FIG4: variants seen among roughly 807,000 people sequenced by gnomAD.
FIG4 encodes the protein FIG4 phosphoinositide 5-phosphatase.
FIG4 carries 112 observed loss-of-function variants against 118.6 expected under a neutral mutation model. The ratio of observed to expected loss-of-function variants is 0.94; its 90% confidence interval spans 0.81 to 1.11. The LOEUF is 1.11. Among genes scored for constraint, FIG4 ranks in the 50% least tolerant of loss-of-function variants. FIG4 has a pLI of 0.00. For synonymous variants in FIG4, 369 were observed against 381.2 expected (o/e 0.97, Z 0.37); for missense variants, 969 against 1,111.7 (o/e 0.87, Z 1.83).
At chr6:109,756,073 G>A (rs563041032) in intron 10 of FIG4, among the ~76,000 whole-genome samples, 6 of 152,170 alleles carry the variant, frequency 3.9e-5, no homozygotes, top group Admixed American at 2.0e-4. Flanking sequence ...AGCGGCTGGT[G>A]CCGGTTGTTC....
At chr6:109,774,146 A>T (rs1039787710) in intron 15 of FIG4, among the ~76,000 whole-genome samples, 2 of 152,198 alleles carry the variant, frequency 1.3e-5, no homozygotes, top group Non-Finnish European at 2.9e-5. Flanking sequence ...TATGTTAATT[A>T]TACAAAGTAC....
At chr6:109,822,367 A>G (rs1779028156) in intron 22 of FIG4, among the ~76,000 whole-genome samples, 1 of 152,172 alleles carries the variant, frequency 6.6e-6, no homozygotes, top group African/African-American at 2.4e-5. Context: ...TTTGCAATAA[A>G]AAAGTGAAAA....
chr6:109,821,351 A>G (rs1779000700), intron 22 of FIG4, among the ~76,000 whole-genome samples: 1 of 152,212 alleles, frequency 6.6e-6, no homozygotes, highest in Non-Finnish European at 1.5e-5. Context: ...GCTCTGCAAA[A>G]CTAATTTTGC....
intron 22 of FIG4, among the ~76,000 whole-genome samples, chr6:109,803,515 TA>T (rs952153264): frequency 6.6e-5 from 10 of 152,308 alleles, no homozygotes; most frequent in African/African-American, 2.4e-4. Flanking sequence ...ATGGGAAACC[TA>T]AGATGATATG....
intron 1 of FIG4, among the ~76,000 whole-genome samples, chr6:109,698,540 T>G (rs1161551914): frequency 6.6e-6 from 1 of 152,240 alleles, no homozygotes; most frequent in African/African-American, 2.4e-5. Flanking sequence ...AGTACAAAGT[T>G]GAATAGAAGT....
In FIG4 at chr6:109,735,158, A is replaced by C. The variant is rs770278572; in HGVS notation, c.506A>C (p.Tyr169Ser). The change falls in exon 6 of 23, where the codon TAT (tyrosine) becomes TCT (serine). Residue 169 changes from tyrosine to serine, a missense_variant. This residue lies in a region of FIG4 where 393 missense variants were observed against 409.4 expected (regional missense o/e 0.96). Transcript: ENST00000230124. The stretch of plus-strand genomic sequence containing the variant: ...TTCAATTCTGTTCTCAGTTACAGCT[A>C]TGATTTGTCCCACTCACTTCAATAT... ...LSSNFYFSYS[Y>S]DLSHSLQYNL... 3.7e-6 allele frequency: 6 copies of C among 1,612,570 alleles called. No individual in the cohort carries two copies. The South Asian group carries it at 6.6e-5, about 18-fold the overall frequency.
intron 15 of FIG4, among the ~76,000 whole-genome samples, chr6:109,767,505 AT>A (rs1327804687): frequency 6.6e-6 from 1 of 152,204 alleles, no homozygotes; most frequent in Non-Finnish European, 1.5e-5. Context: ...TCAGTGATTG[AT>A]TTCATGAGTC....
intron 22 of FIG4, among the ~76,000 whole-genome samples, chr6:109,816,244 C>T (rs1469452086): frequency 6.6e-6 from 1 of 152,182 alleles, no homozygotes; most frequent in Non-Finnish European, 1.5e-5. Flanking sequence ...AACCTCAGGA[C>T]ACTTAGGTCT....
chr6:109,704,408 C>T (rs1436266599), intron 1 of FIG4, among the ~76,000 whole-genome samples: 1 of 152,096 alleles, frequency 6.6e-6, no homozygotes, highest in Non-Finnish European at 1.5e-5. Context: ...GTAATCCCAG[C>T]ACTTTGGGAG....
At chr6:109,791,639 T>A in intron 20 of FIG4, 68 bp downstream of exon 20, 1 of 1,435,932 alleles carries the variant, frequency 7.0e-7, no homozygotes, top group Non-Finnish European at 9.7e-7. Flanking sequence ...AACTCCGCTT[T>A]CAGTTAAAAG....
intron 3 of FIG4, 62 bp from the exon 4 acceptor site, chr6:109,727,047 A>T: frequency 8.2e-7 from 1 of 1,218,300 alleles, no homozygotes; most frequent in South Asian, 1.2e-5. Context: ...CCTTTTAAAT[A>T]GGCATCTAAA....
intron 1 of FIG4, among the ~76,000 whole-genome samples, chr6:109,712,499 A>G (rs1775296978): frequency 6.6e-6 from 1 of 152,098 alleles, no homozygotes. Flanking sequence ...CCAGTCTTCA[A>G]GCTCTGAGAT....
chr6:109,809,337 G>T (rs968300335), intron 22 of FIG4, among the ~76,000 whole-genome samples: 2 of 152,054 alleles, frequency 1.3e-5, no homozygotes, highest in African/African-American at 4.8e-5. Context: ...TTGCCACTAA[G>T]TTTTTTGTTT....
intron 10 of FIG4, among the ~76,000 whole-genome samples, chr6:109,751,811 C>CT (rs1032835598): frequency 4.1e-5 from 5 of 120,774 alleles, no homozygotes; most frequent in Non-Finnish European, 8.9e-5. Flanking sequence ...CTCTTTTTTT[C>CT]TTTTTTTTTT....
Position 109,751,811 on chromosome 6 carries a change from C to T in FIG4, c.1137+8039C>T, listed in dbSNP as rs200858001. 3.9e-3 allele frequency among the ~76,000 whole-genome samples: 470 copies of T among 120,796 alleles called. 5 individuals carry two copies. Among genetic ancestry groups the T allele is most frequent in the African/African-American group, 0.014 (435 of 31,990 alleles). 79.2% of individuals were successfully genotyped at this position (120,796 alleles called of 152,430 possible). ...CTATTTGATTCTTCTCTCTTTTTTT[C>T]TTTTTTTTTTAAGTATTTTTTTTCT... On this transcript the variant is annotated intron_variant, in intron 10 of 22. Coordinates refer to ENST00000230124, the MANE Select transcript of FIG4 (RefSeq NM_014845.6).
At chr6:109,740,294 T>C (rs1776284568) in intron 7 of FIG4, among the ~76,000 whole-genome samples, 2 of 152,180 alleles carry the variant, frequency 1.3e-5, no homozygotes, top group Non-Finnish European at 2.9e-5. Context: ...CCATGATAGA[T>C]GATCATTTTA....
chr6:109,773,729 T>C (rs2128394059), intron 15 of FIG4, among the ~76,000 whole-genome samples: 1 of 152,356 alleles, frequency 6.6e-6, no homozygotes, highest in South Asian at 2.1e-4. Context: ...TGGAGTGCAG[T>C]GGTGCTATCA....
chr6:109,765,758 T>C (rs1777261267), intron 14 of FIG4, among the ~76,000 whole-genome samples: 1 of 152,242 alleles, frequency 6.6e-6, no homozygotes. Flanking sequence ...TAAGGATTAC[T>C]ATTTCTTCAC....
chr6:109,724,524 T>C (rs1322047295), intron 3 of FIG4, among the ~76,000 whole-genome samples: 1 of 152,194 alleles, frequency 6.6e-6, no homozygotes, highest in Non-Finnish European at 1.5e-5. Context: ...ACATATCTTT[T>C]TATGTGGACT....
Sources: allele counts gnomAD v4.1 joint callset (sites outside exome capture counted in the v4.1 genomes callset), GRCh38; gene constraint gnomAD v4.1.1; regional missense constraint gnomAD v4.1.1; transcripts MANE v1.5; gene names NCBI Gene and HGNC (gene_info 2026-07-23, HGNC 2026-07-21).